ROBO4: variants seen among roughly 807,000 people sequenced by gnomAD.
ROBO4 encodes roundabout guidance receptor 4, also known as roundabout homolog 4.
ROBO4 carries 80 observed loss-of-function variants against 103.3 expected under a neutral mutation model. The ratio of observed to expected loss-of-function variants is 0.77; its 90% CI spans 0.65 to 0.93. The LOEUF (loss-of-function observed/expected upper bound fraction) is 0.93, where lower values mean the gene tolerates loss of function less well. Ranked by LOEUF, ROBO4 falls within the 40% of genes least tolerant of loss-of-function variation. The pLI is 0.00. For missense variants in ROBO4, 1,333 were observed against 1,305.3 expected (o/e 1.02, Z -0.33); for synonymous variants, 504 against 529.7 (o/e 0.95, Z 0.67).
At position 124,897,045 on chromosome 11, in the gene ROBO4, C is replaced by A. The variant is rs371693828; in HGVS notation, c.287G>T (p.Arg96Leu). 2 of 1,613,608 alleles carry A rather than the reference C, an allele frequency of 1.2e-6. No homozygotes were observed. Among genetic ancestry groups the A allele is most frequent in the South Asian group, 2.2e-5 (2 of 91,004 alleles). ...GTLLLLQPPA[R>L]GHAHDGQALS... ...GGCCTGGCCATCGTGGGCATGTCCC[C>A]GGGCAGGGGGCTGTAGCAGCAGAAG... Residue 96 changes from arginine (R) to leucine (L), a missense_variant, in exon 2 of 18, where the codon CGG becomes CTG. Transcript: ENST00000306534.
In ROBO4 at chr11:124,895,651, G is replaced by A. The variant is rs759171255; in HGVS notation, c.842C>T (p.Thr281Met). Residue 281 changes from threonine to methionine, a missense_variant, in exon 6 of 18, where the codon ACG becomes ATG. Thr to Met is a moderately conservative substitution (Grantham distance 81, BLOSUM62 -1). Coordinates refer to ENST00000306534, the MANE Select transcript of ROBO4 (RefSeq NM_019055.6). Reference protein sequence around the residue: ...SGPAAPAQSYTALFRTQTAPG... With the variant: ...SGPAAPAQSYMALFRTQTAPG... ...GGCAGTCTGGGTCCTGAACAAGGCC[G>A]TGTAAGATTGGGCAGGCGCAGCAGG... 40 of 1,613,664 alleles carry A rather than the reference G, an allele frequency of 2.5e-5. No homozygotes were observed. The highest frequency in any genetic ancestry group is 6.7e-5 in the Admixed American group (4 of 60,004).
chr11:124,896,524 C>T lies in ROBO4; in HGVS notation c.547G>A (p.Gly183Arg), dbSNP rs746869647. 121 of 1,613,846 alleles carry T rather than the reference C, an allele frequency of 7.5e-5. No individual in the cohort carries two copies. The highest frequency in any genetic ancestry group is 9.4e-5 in the Non-Finnish European group (111 of 1,179,948). Residue 183 changes from glycine (G) to arginine (R), a missense_variant, in exon 3 of 18, where the codon GGA becomes AGA. By Grantham distance (125) the Gly-to-Arg change is moderately radical. Transcript: ENST00000306534. ...KDGKPLALQPGRHTVSGGSLL... is the reference protein window; with the variant it reads ...KDGKPLALQPRRHTVSGGSLL... ...GGGGCCACACTTACTGTGTGCCTTC[C>T]GGGCTGGAGGGCCAGGGGTTTCCCA...
rs1209479185 is a variant in ROBO4 at position 124,894,996 on chromosome 11, T to G, written c.1149+85A>C. The stretch of plus-strand genomic sequence containing the variant: ...TTCTCTGCCCAGGTACCTTTCTCAG[T>G]GCCCAGAGCAAGGGTATGCAGAACT... On this transcript the variant is annotated intron_variant, in intron 7 of 17. Transcript: ENST00000306534. 3 of 1,039,726 alleles carry G rather than the reference T, an allele frequency of 2.9e-6. No homozygotes were observed. In the African/African-American group the frequency reaches 4.7e-5, roughly 16 times the overall value. The allele number at this position is 1,039,726 out of a possible 1,614,324, so 64.4% of individuals were successfully genotyped here.
chr11:124,888,525 G>T (rs957023020), intron 12 of ROBO4, among the ~76,000 whole-genome samples: 1 of 152,314 alleles, frequency 6.6e-6, no homozygotes, highest in South Asian at 2.1e-4. Flanking sequence ...AGTGGGAAAA[G>T]GTATTGGTCT....
intron 16 of ROBO4, among the ~76,000 whole-genome samples, 198 bp from the exon 17 acceptor site, chr11:124,885,445 C>T (rs1399159302): frequency 6.6e-6 from 1 of 152,218 alleles, no homozygotes; most frequent in African/African-American, 2.4e-5. Context: ...AGTGATTGAA[C>T]TGTTTCCTTC....
In ROBO4 at chr11:124,893,853, C is replaced by G. The variant is rs1196662466; in HGVS notation, c.1504+7G>C. The G allele has an allele frequency of 6.2e-7, 1 of 1,613,168 alleles. No individual in the cohort carries two copies. Among genetic ancestry groups the G allele is most frequent in the South Asian group, 1.1e-5 (1 of 90,870 alleles). On this transcript the variant is annotated splice_region_variant and intron_variant, in intron 9 of 17. Coordinates refer to ENST00000306534, the MANE Select transcript of ROBO4 (RefSeq NM_019055.6). The stretch of plus-strand genomic sequence containing the variant: ...TGTATACATGTGGGTCCCCCTCAGA[C>G]TCTCACCTGGGCCCAGGTGCACCCT...
In ROBO4 at chr11:124,896,213, G is replaced by C. The variant is rs750636735; in HGVS notation, c.664C>G (p.Arg222Gly). 39 of 1,613,864 alleles carry C rather than the reference G, an allele frequency of 2.4e-5. No homozygotes were observed. Among genetic ancestry groups the C allele is most frequent in the Admixed American group, 6.7e-5 (4 of 59,994 alleles). Residue 222 changes from arginine (R) to glycine (G), a missense_variant, in exon 4 of 18, where the codon CGG (arginine) becomes GGG (glycine). By Grantham distance (125) the Arg-to-Gly change is moderately radical. Coordinates refer to ENST00000306534, the MANE Select transcript of ROBO4 (RefSeq NM_019055.6). ...CTGCCCTTACCCTGGATGGAAACCCGGGCTGCGCGGCTCTCCCTATGTCCT... is the reference window on the plus strand; with the variant it reads ...CTGCCCTTACCCTGGATGGAAACCCCGGCTGCGCGGCTCTCCCTATGTCCT... Reference protein sequence around the residue: ...SAGHRESRAARVSIQEPQDYT... With the variant: ...SAGHRESRAAGVSIQEPQDYT...
chr11:124,886,227 G>T (rs753526777), intron 16 of ROBO4, among the ~76,000 whole-genome samples: 16 of 152,322 alleles, frequency 1.1e-4, no homozygotes, highest in Non-Finnish European at 1.8e-4. Context: ...TGTTCTGTGG[G>T]TGAACTTGGG....
In ROBO4 at chr11:124,886,719, C is replaced by T. The variant is rs1387288594; in HGVS notation, c.2539G>A (p.Gly847Arg). The change falls in exon 16 of 18, where the codon GGA (glycine) becomes AGA (arginine). Residue 847 changes from glycine (G) to arginine (R), a missense_variant. Transcript: ENST00000306534. ...ACTCCCCCCTTGGGCCCCACCCCTC[C>T]TCCAGTCCTGCCCATGTCCGTGAAC... ...SEFTDMGRTG[G>R]GVGPKGGVLL... 1.2e-6 allele frequency: 2 copies of T among 1,604,444 alleles called. No homozygotes were observed. The highest frequency in any genetic ancestry group is 1.3e-5 in the African/African-American group (1 of 74,812).
chr11:124,888,178 CTTGATAGATGCT>C lies in ROBO4; in HGVS notation c.1949-350_1949-339del, dbSNP rs574598840. Among the ~76,000 whole-genome samples the C allele has an allele frequency of 2.3e-4, 35 of 152,320 alleles. No individual in the cohort carries two copies. In the East Asian group the frequency reaches 2.5e-3, roughly 11 times the overall value. ...AAAACAGATTGCACAAGTTCTTGGCCTTGATAGATGCTTTAAAAAACAACTTTCTTTTCCTTG... is the reference window on the plus strand; with the variant it reads ...AAAACAGATTGCACAAGTTCTTGGCCTTAAAAAACAACTTTCTTTTCCTTG... On this transcript the variant is annotated intron_variant, in intron 12 of 17. Transcript: ENST00000306534.
Position 124,897,132 on chromosome 11 carries a change from A to G in ROBO4, c.200T>C (p.Leu67Pro). The G allele has an allele frequency of 6.4e-7, 1 of 1,572,272 alleles. No individual in the cohort carries two copies. Among genetic ancestry groups the G allele is most frequent in the Non-Finnish European group, 8.6e-7 (1 of 1,156,530 alleles). The change falls in exon 2 of 18, where the codon CTG becomes CCG. Residue 67 changes from leucine (L) to proline (P), a missense_variant. By Grantham distance (98) the Leu-to-Pro change is moderately conservative. Coordinates refer to ENST00000306534, the MANE Select transcript of ROBO4 (RefSeq NM_019055.6). ...CACCATGCTCAGGGGCTGCCCATTC[A>G]GCAACCAGCGGATGGTGGGAGGTGG... is the stretch of plus-strand genomic sequence containing the variant. ...GQPPPTIRWLLNGQPLSMVPP... is the reference protein window; with the variant it reads ...GQPPPTIRWLPNGQPLSMVPP...
At chr11:124,892,241 G>A (rs1946811748) in intron 10 of ROBO4, 1 of 354,390 alleles carries the variant, frequency 2.8e-6, no homozygotes, top group African/African-American at 2.1e-5. Flanking sequence ...GATGGTCTGG[G>A]TTTATATGAG....
Position 124,886,828 on chromosome 11 carries a change from G to T in ROBO4, c.2436-6C>A. On this transcript the variant is annotated splice_region_variant and splice_polypyrimidine_tract_variant and intron_variant, in intron 15 of 17. Coordinates refer to ENST00000306534, the MANE Select transcript of ROBO4 (RefSeq NM_019055.6). ...GCATGGGAGAGACGCTGTTCCTAGG[G>T]AGAGGCAAAAGGGGAGACAGCAATG... is the stretch of plus-strand genomic sequence containing the variant. 2.6e-6 allele frequency: 4 copies of T among 1,530,978 alleles called. No homozygotes were observed. Among genetic ancestry groups the T allele is most frequent in the Non-Finnish European group, 3.5e-6 (4 of 1,137,376 alleles). 94.8% of individuals were successfully genotyped at this position (1,530,978 alleles called of 1,614,324 possible).
intron 13 of ROBO4, 53 bp from the exon 14 acceptor site, chr11:124,887,552 A>G (rs2135367277): frequency 6.2e-7 from 1 of 1,607,862 alleles, no homozygotes; most frequent in Non-Finnish European, 8.5e-7. Flanking sequence ...TCTGCTCTGG[A>G]GCTCAGCCTG....
intron 16 of ROBO4, among the ~76,000 whole-genome samples, chr11:124,885,578 C>CCGTT (rs1946698795): frequency 7.0e-6 from 1 of 142,016 alleles, no homozygotes; most frequent in Non-Finnish European, 1.5e-5. Context: ...TACCACAAGC[C>CCGTT]TGTTTTTTTT....
chr11:124,886,455 C>T lies in ROBO4; in HGVS notation c.2794+9G>A, dbSNP rs376012112. On this transcript the variant is annotated intron_variant, in intron 16 of 17. Transcript: ENST00000306534. The stretch of plus-strand genomic sequence containing the variant: ...TGAGTGAGGAGTAAGATGGGGAGAC[C>T]TCACATACCTATGAAGACGCAGTCT... 2.3e-5 allele frequency: 37 copies of T among 1,604,252 alleles called. 1 individual carries two copies. In the South Asian group the frequency reaches 4.1e-4, roughly 18 times the overall value.
chr11:124,895,689 G>C lies in ROBO4; in HGVS notation c.808-4C>G. On this transcript the variant is annotated splice_region_variant and splice_polypyrimidine_tract_variant and intron_variant, in intron 5 of 17. Transcript: ENST00000306534. ...CAGGCGCAGCAGGGCCACTGACCTG[G>C]GAAGGAGTTTCGAGGAAGGGCGGGG... The C allele has an allele frequency of 3.1e-6, 5 of 1,612,020 alleles. No individual in the cohort carries two copies. Among genetic ancestry groups the C allele is most frequent in the Non-Finnish European group, 4.2e-6 (5 of 1,178,332 alleles).
chr11:124,896,695 C>T (rs4078483), intron 2 of ROBO4, 25 bp from the exon 3 acceptor site: 6 of 1,609,834 alleles, frequency 3.7e-6, no homozygotes, highest in Admixed American at 1.7e-5. Context: ...GAAGGTGACA[C>T]GGAGCAGGGC....
intron 12 of ROBO4, among the ~76,000 whole-genome samples, chr11:124,888,604 G>A (rs80337992): frequency 0.042 from 6,381 of 152,308 alleles, 156 homozygotes; most frequent in Middle Eastern, 0.11. Context: ...GGTGATATCA[G>A]AAATGTGGAT....
Sources: gnomAD v4.1 joint callset for allele counts (sites outside exome capture counted in the v4.1 genomes callset) on GRCh38, gnomAD v4.1.1 for gene constraint, MANE v1.5 for transcripts, NCBI Gene and HGNC (gene_info 2026-07-23, HGNC 2026-07-21) for gene names.